The following PXK variants were observed in gnomAD, a reference collection of about 807,000 sequenced individuals.
The protein encoded by PXK is PX domain-containing protein kinase-like protein.
A neutral mutation model predicts 84.7 loss-of-function variants in PXK; 35 were observed. The ratio of observed to expected loss-of-function variants is 0.41; its 90% confidence interval spans 0.32 to 0.55. The LOEUF (loss-of-function observed/expected upper bound fraction) is 0.55. Ranked by LOEUF, PXK falls within the 20% of genes least tolerant of loss-of-function variation. The pLI is 0.21. For missense variants in PXK, 634 were observed against 699.7 expected (o/e 0.91, Z 1.06); for synonymous variants, 253 against 260.8 (o/e 0.97, Z 0.29).
chr3:58,387,812 A>C (rs2098571555), intron 4 of PXK, among the ~76,000 whole-genome samples: 2 of 152,050 alleles, frequency 1.3e-5, no homozygotes, highest in South Asian at 4.1e-4. Flanking sequence ...AGAAGGAGAG[A>C]GGGAGAGAGT....
At chr3:58,391,340 T>C in intron 6 of PXK, 120 bp downstream of exon 6, 1 of 831,428 alleles carries the variant, frequency 1.2e-6, no homozygotes, top group African/African-American at 1.7e-5. Flanking sequence ...AAGGCTTCCT[T>C]GGTCCATGTC....
Position 58,408,967 on chromosome 3 carries a change from G to A in PXK, c.1274G>A (p.Cys425Tyr), listed in dbSNP as rs1406935449. 1.9e-6 allele frequency: 3 copies of A among 1,592,924 alleles called. No individual in the cohort carries two copies. The highest frequency in any genetic ancestry group is 1.3e-5 in the African/African-American group (1 of 74,360). The change falls in exon 14 of 18, where the codon TGT (cysteine) becomes TAT (tyrosine). Residue 425 changes from cysteine (C) to tyrosine (Y), a missense_variant. This residue lies in a region of PXK where 273 missense variants were observed against 283.6 expected (regional missense o/e 0.96). Transcript: ENST00000356151. ...LKEALRIAKE[C>Y]IEKRLIEEQK... ...GAGGCATTGAGAATTGCCAAAGAAT[G>A]TATAGAGAAGAGACTAATTGAGGAA... is the stretch of plus-strand genomic sequence containing the variant.
Position 58,381,131 on chromosome 3 carries a change from C to T in PXK, c.202-1383C>T, listed in dbSNP as rs192984681. On this transcript the variant is annotated intron_variant, in intron 3 of 17. Transcript: ENST00000356151. ...GGGCATTGTGGCTGGCGCCTGTAGT[C>T]CCAGCTACTTGGGAGGCTGAGGCAG... Among the ~76,000 whole-genome samples, 16 of 151,852 alleles carry T rather than the reference C, an allele frequency of 1.1e-4. 1 individual carries two copies. The highest frequency in any genetic ancestry group is 3.9e-4 in the African/African-American group (16 of 41,412).
intron 4 of PXK, among the ~76,000 whole-genome samples, chr3:58,386,289 A>ATTTTTTTTTTT (rs2098549912): frequency 2.5e-4 from 11 of 43,458 alleles, no homozygotes; most frequent in African/African-American, 7.1e-4. Context: ...TATCCCCCTT[A>ATTTTTTTTTTT]CTTTTTTTTT....
In PXK at chr3:58,395,765, A is replaced by G; in HGVS notation, c.822+6A>G. On this transcript the variant is annotated splice_donor_region_variant and intron_variant, in intron 9 of 17. Coordinates refer to ENST00000356151, the MANE Select transcript of PXK (RefSeq NM_017771.5). ...ATGGACGGCAAATATTAGAGGTAAG[A>G]GGTACTTTTGTTTAAGTTGCATTCA... The G allele has an allele frequency of 1.3e-6, 2 of 1,596,814 alleles. No homozygotes were observed. The highest frequency in any genetic ancestry group is 1.1e-5 in the South Asian group (1 of 89,508).
At position 58,382,650 on chromosome 3, in the gene PXK, A is replaced by G; in HGVS notation, c.338A>G (p.Glu113Gly). ...ITTNHILSNC[E>G]LVKKFLDPNN... ...ACAAATCATATCTTGTCTAATTGTG[A>G]GCTGGTTAAGAAGTTTTTAGATCCA... The change falls in exon 4 of 18, where the codon GAG becomes GGG. Residue 113 changes from glutamate (E) to glycine (G), a missense_variant. Glu to Gly is a moderately conservative substitution (Grantham distance 98, BLOSUM62 -2). Transcript: ENST00000356151. 3 of 1,591,216 alleles carry G rather than the reference A, an allele frequency of 1.9e-6. No individual in the cohort carries two copies. The African/African-American group carries it at 4.1e-5, about 22-fold the overall frequency.
chr3:58,337,517 C>T (rs35542947), intron 1 of PXK, among the ~76,000 whole-genome samples: 12,037 of 151,974 alleles, frequency 0.079, 572 homozygotes, highest in Middle Eastern at 0.092. Flanking sequence ...TGCTCTGTCA[C>T]CCAGGCTAGA....
chr3:58,385,647 C>T lies in PXK; in HGVS notation c.388+2947C>T, dbSNP rs372961700. 6.6e-6 allele frequency among the ~76,000 whole-genome samples: 1 copy of T among 152,154 alleles called. No homozygotes were observed. Among genetic ancestry groups the T allele is most frequent in the Admixed American group, 6.5e-5 (1 of 15,278 alleles). ...CTGAGTAGCTGGGATTACAAGTGCA[C>T]ACCACCATGCCCAGCTAATTTTTTC... On this transcript the variant is annotated intron_variant, in intron 4 of 17. Coordinates refer to ENST00000356151, the MANE Select transcript of PXK (RefSeq NM_017771.5). This position sits in a 1 kb window ranked among gnomAD's most constrained non-coding sequence, Gnocchi z 5.1.
rs73835192 is a variant in PXK, at chr3:58,350,615, C to T, written c.103-15259C>T. On this transcript the variant is annotated intron_variant, in intron 1 of 17. Coordinates refer to ENST00000356151, the MANE Select transcript of PXK (RefSeq NM_017771.5). ...CTATTCTCATCACATACTAGTGGTGCGCCCTTGTTTAAGGCATCTACCCTC... is the reference window on the plus strand; with the variant it reads ...CTATTCTCATCACATACTAGTGGTGTGCCCTTGTTTAAGGCATCTACCCTC... Among the ~76,000 whole-genome samples the T allele has an allele frequency of 9.5e-3, 1,447 of 152,262 alleles. 26 individuals carry two copies. The highest frequency in any genetic ancestry group is 0.033 in the African/African-American group (1,387 of 41,528).
rs1172640542 is a variant in PXK, at chr3:58,366,142, T to TCTA, written c.153+218_153+219insCTA. 3.3e-5 allele frequency among the ~76,000 whole-genome samples: 5 copies of TCTA among 152,302 alleles called. No individual in the cohort carries two copies. In the East Asian group the frequency reaches 9.6e-4, roughly 29 times the overall value. On this transcript the variant is annotated intron_variant, in intron 2 of 17. Transcript: ENST00000356151. Reference sequence around the variant, plus strand: ...AAATTGTGTGTGATTGATATTACTATGGAGGGTATCTAGGAATTTGTTCCC... The same window carrying TCTA: ...AAATTGTGTGTGATTGATATTACTATCTAGGAGGGTATCTAGGAATTTGTTCCC...
chr3:58,425,286 A>G lies in PXK; in HGVS notation c.*326A>G. On this transcript the variant is annotated 3_prime_UTR_variant, in exon 18 of 18. Coordinates refer to ENST00000356151, the MANE Select transcript of PXK (RefSeq NM_017771.5). ...AGGAAATAGACAGAAAAACAATGAC[A>G]ATATTCAATCACAGCAGTAAATGGC... The G allele has an allele frequency of 6.9e-6, 2 of 288,232 alleles. No individual in the cohort carries two copies. The highest frequency in any genetic ancestry group is 7.6e-5 in the South Asian group (2 of 26,202). The allele number at this position is 288,232 out of a possible 1,614,324, so 17.9% of individuals were successfully genotyped here. A position where few individuals can be genotyped will look rare whatever the true frequency, so the allele number is the denominator to read the frequency against.
chr3:58,342,893 C>A (rs1356477828), intron 1 of PXK, among the ~76,000 whole-genome samples: 1 of 152,170 alleles, frequency 6.6e-6, no homozygotes, highest in Non-Finnish European at 1.5e-5. Context: ...TAGACAGTGG[C>A]ATGGGGAAGG....
intron 1 of PXK, among the ~76,000 whole-genome samples, chr3:58,352,217 C>T (rs1474010527): frequency 6.6e-6 from 1 of 152,112 alleles, no homozygotes; most frequent in Non-Finnish European, 1.5e-5. Context: ...CAGAAGGGCT[C>T]CCAGGGGGCC....
Position 58,407,503 on chromosome 3 carries a change from C to G in PXK, c.1231-1421C>G, listed in dbSNP as rs570349469. On this transcript the variant is annotated intron_variant, in intron 13 of 17. Coordinates refer to ENST00000356151, the MANE Select transcript of PXK (RefSeq NM_017771.5). The surrounding 1 kb of genome is among the most constrained non-coding windows in gnomAD (Gnocchi z 4.3). ...TATTGTGTCCCATTTCTTGAGTTGTCTTTTACTCCGTTTTTCTTTGTTGCA... is the reference window on the plus strand; with the variant it reads ...TATTGTGTCCCATTTCTTGAGTTGTGTTTTACTCCGTTTTTCTTTGTTGCA... Among the ~76,000 whole-genome samples the G allele has an allele frequency of 1.2e-4, 18 of 151,748 alleles. No homozygotes were observed. In the South Asian group the frequency reaches 3.3e-3, roughly 28 times the overall value.
chr3:58,422,638 G>A, intron 17 of PXK: 3 of 985,370 alleles, frequency 3.0e-6, no homozygotes, highest in Non-Finnish European at 3.6e-6. Flanking sequence ...TGGTGCATTT[G>A]CACTTCTAAT....
rs1173564193 is a variant in PXK, at chr3:58,411,276, T to G, written c.1465+1117T>G. 6.6e-6 allele frequency among the ~76,000 whole-genome samples: 1 copy of G among 152,120 alleles called. No homozygotes were observed. Among genetic ancestry groups the G allele is most frequent in the African/African-American group, 2.4e-5 (1 of 41,418 alleles). On this transcript the variant is annotated intron_variant, in intron 16 of 17. Coordinates refer to ENST00000356151, the MANE Select transcript of PXK (RefSeq NM_017771.5). The surrounding 1 kb of genome is among the most constrained non-coding windows in gnomAD (Gnocchi z 4.2). The stretch of plus-strand genomic sequence containing the variant: ...AAGTGGCATGACCAGAGCTGGAGAT[T>G]GGCAGCCCTGAATAGAGAAAGCCCA...
chr3:58,413,013 G>C (rs1258181972), intron 17 of PXK, 50 bp downstream of exon 17: 1 of 1,577,112 alleles, frequency 6.3e-7, no homozygotes, highest in Non-Finnish European at 8.7e-7. Flanking sequence ...GCCAACAGGA[G>C]GAGCGGGCTG....
chr3:58,355,712 G>A (rs956107542), intron 1 of PXK, among the ~76,000 whole-genome samples: 1 of 152,216 alleles, frequency 6.6e-6, no homozygotes, highest in African/African-American at 2.4e-5. Context: ...TTCCAAAGGT[G>A]TGGGAATAAC....
intron 1 of PXK, among the ~76,000 whole-genome samples, chr3:58,342,514 A>T (rs951699925): frequency 5.9e-5 from 9 of 151,902 alleles, no homozygotes; most frequent in African/African-American, 9.7e-5. Context: ...GCATGCCTGT[A>T]GTCCCTGCTC....
Sources: allele counts gnomAD v4.1 joint callset (sites outside exome capture counted in the v4.1 genomes callset), GRCh38; gene constraint gnomAD v4.1.1; regional missense constraint gnomAD v4.1.1; non-coding constraint Gnocchi (gnomAD v3.1); transcripts MANE v1.5; gene names NCBI Gene and HGNC (gene_info 2026-07-23, HGNC 2026-07-21).